Variants in ANKRD27 observed in about 807,000 individuals in gnomAD.
ANKRD27 encodes ankyrin repeat domain 27, also known as ankyrin repeat domain-containing protein 27.
Under a neutral mutation model 129.7 loss-of-function variants are expected in ANKRD27, and 112 were observed. The ratio of observed to expected loss-of-function variants is 0.86; its 90% CI spans 0.74 to 1.01. ANKRD27 has a LOEUF of 1.01. Among genes scored for constraint, ANKRD27 ranks in the 50% least tolerant of loss-of-function variants. ANKRD27 has a pLI of 0.00. For synonymous variants in ANKRD27, 516 were observed against 511.2 expected, an observed-to-expected ratio of 1.01 and a Z score of -0.13; for missense variants, 1,258 against 1,300.5, an observed-to-expected ratio of 0.97 and a Z score of 0.50.
chr19:32,640,137 T>C (rs909035624), intron 11 of ANKRD27, among the ~76,000 whole-genome samples, 170 bp downstream of exon 11: 2 of 152,182 alleles, frequency 1.3e-5, no homozygotes, highest in Non-Finnish European at 2.9e-5. Context: ...AATTTTTTTG[T>C]ATTTTTTAGT....
intron 22 of ANKRD27, among the ~76,000 whole-genome samples, chr19:32,614,102 G>GT (rs1971875996): frequency 6.6e-6 from 1 of 151,984 alleles, no homozygotes; most frequent in Non-Finnish European, 1.5e-5. Flanking sequence ...AGAGGTGGGT[G>GT]TGGCTGTAAG....
Position 32,626,632 on chromosome 19 carries a change from A to G in ANKRD27, c.1536+80T>C, listed in dbSNP as rs1360674460. ...CAGGAGACAGGGGTGCAGGGTAGCC[A>G]GCATGACCGTACAGTCACCACGCAG... is the stretch of plus-strand genomic sequence containing the variant. On this transcript the variant is annotated intron_variant, in intron 16 of 28. Coordinates refer to ENST00000306065, the MANE Select transcript of ANKRD27 (RefSeq NM_032139.3). The G allele has an allele frequency of 1.1e-5, 12 of 1,081,778 alleles. No homozygotes were observed. The East Asian group carries it at 1.9e-4, about 17-fold the overall frequency. 67.0% of individuals were successfully genotyped at this position (1,081,778 alleles called of 1,614,324 possible).
chr19:32,670,267 C>T (rs532373800), intron 1 of ANKRD27, among the ~76,000 whole-genome samples: 3 of 152,310 alleles, frequency 2.0e-5, no homozygotes, highest in African/African-American at 7.2e-5. Flanking sequence ...TTCTTGGTCA[C>T]TAAAGACTGA....
chr19:32,598,434 A>G, intron 28 of ANKRD27, 56 bp from the exon 29 acceptor site: 1 of 1,541,352 alleles, frequency 6.5e-7, no homozygotes, highest in Non-Finnish European at 9.0e-7. Flanking sequence ...GGAAGCCACA[A>G]CCATGACAGT....
chr19:32,643,542 A>G, intron 6 of ANKRD27, 30 bp downstream of exon 6: 1 of 1,613,866 alleles, frequency 6.2e-7, no homozygotes, highest in South Asian at 1.1e-5. Flanking sequence ...GTGCACCACA[A>G]TTCTCCCTCT....
intron 2 of ANKRD27, among the ~76,000 whole-genome samples, chr19:32,654,678 G>A (rs1349636366): frequency 2.0e-5 from 3 of 151,922 alleles, no homozygotes; most frequent in Admixed American, 1.3e-4. Context: ...TTTTTTTTTA[G>A]AGATGGTGTC....
At chr19:32,643,878 G>GTTT in intron 5 of ANKRD27, 15 of 451,238 alleles carry the variant, frequency 3.3e-5, no homozygotes, top group South Asian at 5.5e-5. Flanking sequence ...CACTTGGTTT[G>GTTT]TTTTTTCTTT....
chr19:32,642,974 T>G, intron 9 of ANKRD27, 149 bp downstream of exon 9: 1 of 756,622 alleles, frequency 1.3e-6, no homozygotes, highest in Non-Finnish European at 2.2e-6. Context: ...GGGCAGCCCT[T>G]TATCTTTGGT....
intron 1 of ANKRD27, among the ~76,000 whole-genome samples, chr19:32,672,397 A>T (rs1967888789): frequency 6.6e-6 from 1 of 152,214 alleles, no homozygotes; most frequent in African/African-American, 2.4e-5. Flanking sequence ...TAAAGCACCC[A>T]GCCCTGCGCC....
chr19:32,600,558 TC>T (rs1302779134), intron 26 of ANKRD27, among the ~76,000 whole-genome samples: 1 of 151,978 alleles, frequency 6.6e-6, no homozygotes, highest in Non-Finnish European at 1.5e-5. Context: ...AGCTACAAAA[TC>T]CGAGACATTT....
Position 32,599,787 on chromosome 19 carries a change from A to G in ANKRD27, c.2847-11T>C. ...CTTGAAGTCTTTCCCCTAAAACCCA[A>G]AATAAACGAAAATAAATATTTGGGA... On this transcript the variant is annotated splice_polypyrimidine_tract_variant and intron_variant, in intron 27 of 28. Transcript: ENST00000306065. 1 of 1,610,756 alleles carries G rather than the reference A, an allele frequency of 6.2e-7. No individual in the cohort carries two copies.
In ANKRD27 at chr19:32,628,207, C is replaced by A. The variant is rs765420992; in HGVS notation, c.1338-42G>T. 4.5e-6 allele frequency: 7 copies of A among 1,556,846 alleles called. No individual in the cohort carries two copies. In the Admixed American group the frequency reaches 6.7e-5, roughly 15 times the overall value. On this transcript the variant is annotated intron_variant, in intron 14 of 28. Transcript: ENST00000306065. ...GATAGAAAACTACACAGGGGAATGG[C>A]ACAGCAAAGCCTCTCCCTGACCAGG... is the stretch of plus-strand genomic sequence containing the variant.
rs137913576 is a variant in ANKRD27, at chr19:32,656,028, G to GAAGAAAAGA, written c.102+2877_102+2885dup. On this transcript the variant is annotated intron_variant, in intron 2 of 28. Coordinates refer to ENST00000306065, the MANE Select transcript of ANKRD27 (RefSeq NM_032139.3). The stretch of plus-strand genomic sequence containing the variant: ...GTGAGACTCTGTTTCAAAAAAAAAA[G>GAAGAAAAGA]AAGAAAAGAAAGAAAAGAAAGAAAA... 1.2e-3 allele frequency among the ~76,000 whole-genome samples: 143 copies of GAAGAAAAGA among 119,930 alleles called. 4 individuals carry two copies. Among genetic ancestry groups the GAAGAAAAGA allele is most frequent in the African/African-American group, 3.0e-3 (86 of 29,048 alleles). 78.7% of individuals were successfully genotyped at this position (119,930 alleles called of 152,430 possible).
chr19:32,640,279 A>G (rs1037751337), intron 11 of ANKRD27, 28 bp downstream of exon 11: 2 of 1,599,870 alleles, frequency 1.3e-6, no homozygotes, highest in African/African-American at 1.3e-5. Flanking sequence ...TGCCATTTTC[A>G]AAAGAGTATC....
chr19:32,672,051 C>G (rs915609019), intron 1 of ANKRD27, among the ~76,000 whole-genome samples: 4 of 152,162 alleles, frequency 2.6e-5, no homozygotes, highest in Non-Finnish European at 5.9e-5. Context: ...CTGGTGACAG[C>G]GTGCAGCCCA....
intron 18 of ANKRD27, 98 bp from the exon 19 acceptor site, chr19:32,619,651 C>G: frequency 6.9e-7 from 1 of 1,445,660 alleles, no homozygotes; most frequent in South Asian, 1.1e-5. Context: ...CCTAGCTCCT[C>G]GGAATGTCAG....
chr19:32,607,793 C>T lies in ANKRD27; in HGVS notation c.2215G>A (p.Val739Met), dbSNP rs771538899. The change falls in exon 23 of 29, where the codon GTG (valine) becomes ATG (methionine). Residue 739 changes from valine (V) to methionine (M), a missense_variant. By Grantham distance (21) the Val-to-Met change is conservative (BLOSUM62 1). Coordinates refer to ENST00000306065, the MANE Select transcript of ANKRD27 (RefSeq NM_032139.3). ...KVPASGLGVN[V>M]TSQDGSSPLH... The stretch of plus-strand genomic sequence containing the variant: ...GGGGAGGAGCCGTCCTGGCTGGTCA[C>T]GTTCACACCAAGCCCACTGGCAGGA... 20 of 1,610,658 alleles carry T rather than the reference C, an allele frequency of 1.2e-5. No homozygotes were observed. The highest frequency in any genetic ancestry group is 5.3e-5 in the African/African-American group (4 of 74,880).
chr19:32,631,430 G>A lies in ANKRD27; in HGVS notation c.1181C>T (p.Thr394Ile). The A allele has an allele frequency of 1.2e-6, 2 of 1,614,054 alleles. No individual in the cohort carries two copies. The highest frequency in any genetic ancestry group is 1.3e-5 in the African/African-American group (1 of 75,012). ...AAACAGGCAGTCGGTGGGAGACGAA[G>A]TCATCTGAGAGAGTAAGCTCATTCT... ...KQRMSLLSQM[T>I]SSPTDCLFKH... is the part of the protein sequence containing the mutation. Residue 394 changes from threonine to isoleucine, a missense_variant, in exon 13 of 29, where the codon ACT (threonine) becomes ATT (isoleucine). Thr to Ile is a moderately conservative substitution (Grantham distance 89). Transcript: ENST00000306065.
intron 12 of ANKRD27, among the ~76,000 whole-genome samples, chr19:32,635,263 A>G (rs1038130532): frequency 6.6e-6 from 1 of 152,152 alleles, no homozygotes; most frequent in African/African-American, 2.4e-5. Flanking sequence ...GAACTCTCAG[A>G]CCAATCTGTT....
Sources: gnomAD v4.1 joint callset for allele counts (sites outside exome capture counted in the v4.1 genomes callset) on GRCh38, gnomAD v4.1.1 for gene constraint, MANE v1.5 for transcripts, NCBI Gene and HGNC (gene_info 2026-07-23, HGNC 2026-07-21) for gene names.